Variants in TMEM116 observed in about 807,000 individuals in gnomAD.
TMEM116 encodes the protein transmembrane protein 116.
TMEM116 carries 38 observed loss-of-function variants against 44.3 expected under a neutral mutation model. The ratio of observed to expected loss-of-function variants is 0.86; its 90% CI spans 0.66 to 1.12. The LOEUF (loss-of-function observed/expected upper bound fraction) is 1.12. TMEM116 is among the 50% of genes most tolerant of loss of function. The pLI is 0.00. For missense variants in TMEM116, 354 were observed against 401.7 expected, an observed-to-expected ratio of 0.88 and a Z score of 1.01; for synonymous variants, 132 against 144.8, an observed-to-expected ratio of 0.91 and a Z score of 0.64.
At chr12:111,943,201 G>A (rs2073005489) in intron 5 of TMEM116, 64 bp downstream of exon 5, 1 of 1,302,178 alleles carries the variant, frequency 7.7e-7, no homozygotes, top group African/African-American at 1.5e-5. Flanking sequence ...TGGGATTACA[G>A]GTAGGAGTCA....
intron 10 of TMEM116, 55 bp from the exon 11 acceptor site, chr12:111,931,882 G>T: frequency 8.9e-6 from 11 of 1,232,574 alleles, no homozygotes; most frequent in South Asian, 6.6e-5. Flanking sequence ...AGGGATCCAG[G>T]GAATAATTCT....
rs774321068 is a variant in TMEM116 at position 111,931,761 on chromosome 12, G to A, written c.874C>T (p.His292Tyr). 1 of 1,605,812 alleles carries A rather than the reference G, an allele frequency of 6.2e-7. No individual in the cohort carries two copies. The highest frequency in any genetic ancestry group is 8.5e-7 in the Non-Finnish European group (1 of 1,176,146). ...CGCCGAGCCTCCTGCTTTAGTTGGT[G>A]GAATTTGTGCTGCGTCCAGCCATAT... ...GVYGWTQHKF[H>Y]QLKQEARRDA... is the part of the protein sequence containing the mutation. The change falls in exon 11 of 11, where the codon CAC becomes TAC. Residue 292 changes from histidine (H) to tyrosine (Y), a missense_variant. Physicochemically the swap from His to Tyr is moderately conservative, Grantham distance 83. Coordinates refer to ENST00000552374, the MANE Select transcript of TMEM116 (RefSeq NM_001193531.2).
At chr12:111,990,600 G>A (rs1032203779) in intron 4 of TMEM116, among the ~76,000 whole-genome samples, 7 of 152,142 alleles carry the variant, frequency 4.6e-5, no homozygotes, top group Non-Finnish European at 2.9e-5. Context: ...TAAATTGACA[G>A]AAATTTCCCC....
intron 4 of TMEM116, among the ~76,000 whole-genome samples, chr12:111,977,807 A>G (rs1032158469): frequency 3.3e-5 from 5 of 152,106 alleles, no homozygotes; most frequent in Admixed American, 1.3e-4. Context: ...TACCTGCACT[A>G]CCCATGAAAC....
Position 112,003,787 on chromosome 12 carries a change from A to T in TMEM116, c.78+13T>A, listed in dbSNP as rs1265324533. ...TAAAAAGTTCAAATCCAACACAAAGAGAAATCACTCACCTCTGGAGATTTC... is the reference window on the plus strand; with the variant it reads ...TAAAAAGTTCAAATCCAACACAAAGTGAAATCACTCACCTCTGGAGATTTC... On this transcript the variant is annotated intron_variant, in intron 3 of 10. Coordinates refer to ENST00000552374, the MANE Select transcript of TMEM116 (RefSeq NM_001193531.2). The T allele has an allele frequency of 1.3e-6, 2 of 1,509,806 alleles. No homozygotes were observed. Among genetic ancestry groups the T allele is most frequent in the East Asian group, 5.0e-5 (2 of 39,798 alleles). The allele number at this position is 1,509,806 out of a possible 1,614,324, so 93.5% of individuals were successfully genotyped here. A position where few individuals can be genotyped will look rare whatever the true frequency, so the allele number is the denominator to read the frequency against.
At position 111,994,668 on chromosome 12, in the gene TMEM116, T is replaced by G. The variant is rs868528884; in HGVS notation, c.79-2779A>C. On this transcript the variant is annotated intron_variant, in intron 3 of 10. Transcript: ENST00000552374. The stretch of plus-strand genomic sequence containing the variant: ...TACAACATAGTGTGTGTGTCAGCAA[T>G]TTCTAACAGAGCCTTAAAACAGAAA... 3.3e-5 allele frequency among the ~76,000 whole-genome samples: 5 copies of G among 152,318 alleles called. No homozygotes were observed. The South Asian group carries it at 6.2e-4, about 19-fold the overall frequency.
At chr12:111,968,666 A>G (rs1375488500) in intron 4 of TMEM116, among the ~76,000 whole-genome samples, 1 of 152,254 alleles carries the variant, frequency 6.6e-6, no homozygotes, top group East Asian at 1.9e-4. Context: ...CTATCTTTTC[A>G]GTAAGTTGAG....
chr12:111,990,672 C>T (rs907530193), intron 4 of TMEM116, among the ~76,000 whole-genome samples: 1 of 152,144 alleles, frequency 6.6e-6, no homozygotes, highest in African/African-American at 2.4e-5. Context: ...TAAACCTTTA[C>T]TTTTTTCACA....
chr12:111,990,288 T>C lies in TMEM116; in HGVS notation c.210+1470A>G, dbSNP rs564909419. ...AAAAAAAGGTAACATTAACCACATC[T>C]GTACCAAGCACAAAGTAAATATTAT... On this transcript the variant is annotated intron_variant, in intron 4 of 10. Coordinates refer to ENST00000552374, the MANE Select transcript of TMEM116 (RefSeq NM_001193531.2). 4.0e-5 allele frequency among the ~76,000 whole-genome samples: 6 copies of C among 151,664 alleles called. No homozygotes were observed. The South Asian group carries it at 1.3e-3, about 32-fold the overall frequency.
chr12:111,940,277 A>AATATATAT, intron 5 of TMEM116, among the ~76,000 whole-genome samples: 1 of 150,110 alleles, frequency 6.7e-6, no homozygotes, highest in Admixed American at 6.7e-5. Flanking sequence ...TGTCTCAAAA[A>AATATATAT]ATATATATAT....
intron 6 of TMEM116, 182 bp downstream of exon 6, chr12:111,937,979 C>G (rs1184578997): frequency 2.5e-6 from 1 of 404,328 alleles, no homozygotes; most frequent in African/African-American, 2.1e-5. Context: ...TAACATCAAG[C>G]TACTTCCCTA....
chr12:111,951,585 A>G (rs1320575709), intron 4 of TMEM116, among the ~76,000 whole-genome samples: 1 of 152,122 alleles, frequency 6.6e-6, no homozygotes, highest in Admixed American at 6.6e-5. Context: ...CAAATACCAC[A>G]TGTTCTCATA....
chr12:111,973,220 A>C (rs2075467242), intron 4 of TMEM116, among the ~76,000 whole-genome samples: 1 of 152,268 alleles, frequency 6.6e-6, no homozygotes, highest in African/African-American at 2.4e-5. Context: ...TTACATTATC[A>C]ATAACAGCAT....
At chr12:111,979,880 A>C (rs1254658667) in intron 4 of TMEM116, among the ~76,000 whole-genome samples, 1 of 152,216 alleles carries the variant, frequency 6.6e-6, no homozygotes, top group African/African-American at 2.4e-5. Context: ...TTACAACAAG[A>C]CACCAATACA....
At chr12:111,993,586 G>A in intron 3 of TMEM116, 2 of 543,002 alleles carry the variant, frequency 3.7e-6, no homozygotes, top group Non-Finnish European at 3.6e-6. Flanking sequence ...GAGGGATGCA[G>A]CTCCCAAGAT....
At chr12:111,951,081 T>C (rs1017380287) in intron 4 of TMEM116, among the ~76,000 whole-genome samples, 24 of 152,090 alleles carry the variant, frequency 1.6e-4, no homozygotes, top group African/African-American at 5.8e-4. Context: ...GAAAAAAAGC[T>C]CAACATCACT....
At chr12:111,982,011 T>C (rs1043288805) in intron 4 of TMEM116, among the ~76,000 whole-genome samples, 1 of 152,102 alleles carries the variant, frequency 6.6e-6, no homozygotes, top group African/African-American at 2.4e-5. Context: ...AGTAGAATGG[T>C]GATTACCAAG....
At chr12:112,008,713 T>C (rs1220236234) in intron 1 of TMEM116, among the ~76,000 whole-genome samples, 3 of 152,192 alleles carry the variant, frequency 2.0e-5, no homozygotes, top group African/African-American at 7.2e-5. Flanking sequence ...GGAGTACGCC[T>C]GTAATCCCAG....
At chr12:111,942,402 A>G (rs991751646) in intron 5 of TMEM116, among the ~76,000 whole-genome samples, 20 of 152,130 alleles carry the variant, frequency 1.3e-4, no homozygotes, top group Non-Finnish European at 2.9e-5. Flanking sequence ...CCTCCTGAGT[A>G]GCTGGGACTA....
Sources: gnomAD v4.1 joint callset for allele counts (sites outside exome capture counted in the v4.1 genomes callset) on GRCh38, gnomAD v4.1.1 for gene constraint, MANE v1.5 for transcripts, NCBI Gene and HGNC (gene_info 2026-07-23, HGNC 2026-07-21) for gene names.